The following UBR4 variants were observed in gnomAD, a reference collection of about 807,000 sequenced individuals.
The protein encoded by UBR4 is ubiquitin protein ligase E3 component n-recognin 4.
Under a neutral mutation model 575.6 loss-of-function variants are expected in UBR4, and 124 were observed. The ratio of observed to expected loss-of-function variants is 0.22; its 90% CI spans 0.19 to 0.25. The LOEUF (loss-of-function observed/expected upper bound fraction) is 0.25. UBR4 is among the 10% of genes least tolerant of loss of function. The pLI, the probability that UBR4 is intolerant of heterozygous loss-of-function variation, is 1.00. For missense variants in UBR4, 4,818 were observed against 6,478.8 expected, an observed-to-expected ratio of 0.74 and a Z score of 8.80; for synonymous variants, 2,455 against 2,473.7, an observed-to-expected ratio of 0.99 and a Z score of 0.22.
chr1:19,192,112 T>C, intron 11 of UBR4, 76 bp downstream of exon 11: 1 of 1,517,728 alleles, frequency 6.6e-7, no homozygotes, highest in Admixed American at 2.1e-5. Context: ...TGATATGAAG[T>C]CATACTAGCT....
At chr1:19,155,128 A>G (rs1165642384) in intron 43 of UBR4, 53 bp from the exon 44 acceptor site, 3 of 1,607,480 alleles carry the variant, frequency 1.9e-6, no homozygotes, top group Admixed American at 3.3e-5. Context: ...TTGGCTACCA[A>G]CTTCCGGTTT....
At chr1:19,147,962 T>A (rs373940390) in intron 51 of UBR4, 31 bp downstream of exon 51, 4 of 1,604,312 alleles carry the variant, frequency 2.5e-6, no homozygotes, top group South Asian at 1.1e-5. Context: ...CTGTCAGCAC[T>A]GCAATTTCCT....
intron 17 of UBR4, among the ~76,000 whole-genome samples, chr1:19,183,517 T>G (rs1466077897): frequency 1.3e-5 from 2 of 151,506 alleles, no homozygotes; most frequent in East Asian, 3.9e-4. Flanking sequence ...AGGTCAGGAG[T>G]TTGAGACCAG....
chr1:19,085,264 G>A (rs2076901474), intron 101 of UBR4, among the ~76,000 whole-genome samples: 1 of 152,240 alleles, frequency 6.6e-6, no homozygotes, highest in Non-Finnish European at 1.5e-5. Flanking sequence ...GCTCACACGT[G>A]TAATCCCAGC....
intron 92 of UBR4, 38 bp from the exon 93 acceptor site, chr1:19,095,690 TGA>T: frequency 1.3e-6 from 2 of 1,598,950 alleles, no homozygotes; most frequent in Non-Finnish European, 1.7e-6. Flanking sequence ...TGAGGCCACA[TGA>T]GAGTGTAGGA....
intron 86 of UBR4, 139 bp from the exon 87 acceptor site, chr1:19,104,396 C>T (rs539639489): frequency 3.6e-4 from 439 of 1,235,226 alleles, no homozygotes; most frequent in Non-Finnish European, 4.6e-4. Flanking sequence ...GTTCAACAAG[C>T]GGAAACAGTC....
chr1:19,174,638 T>C (rs1042204185), intron 21 of UBR4, among the ~76,000 whole-genome samples, 191 bp from the exon 22 acceptor site: 1 of 152,232 alleles, frequency 6.6e-6, no homozygotes, highest in African/African-American at 2.4e-5. Flanking sequence ...AGCACACAGC[T>C]GCTGGCTTTA....
rs2085115734 is a variant in UBR4, at chr1:19,148,073, C to T, written c.7549G>A (p.Ala2517Thr). 3 of 1,611,460 alleles carry T rather than the reference C, an allele frequency of 1.9e-6. No homozygotes were observed. The highest frequency in any genetic ancestry group is 2.5e-6 in the Non-Finnish European group (3 of 1,179,930). ...GACTGCTGCTGGACACTGGCAGGTG[C>T]TGGCAGGGACAACAGCAAAGTGGCC... ...ELATLLLSLP[A>T]PASVQQQSKS... The change falls in exon 51 of 106, where the codon GCA becomes ACA. Residue 2517 changes from alanine to threonine, a missense_variant. By Grantham distance (58) the Ala-to-Thr change is moderately conservative (BLOSUM62 0). Transcript: ENST00000375254.
Position 19,167,150 on chromosome 1 carries a change from G to C in UBR4, c.3981C>G (p.Ala1327=). Residue 1327 remains alanine, a synonymous_variant, in exon 29 of 106, where the codon GCC becomes GCG. Coordinates refer to ENST00000375254, the MANE Select transcript of UBR4 (RefSeq NM_020765.3). The part of the protein sequence containing the change: ...LLLESSTESV[A]EISSNSLERI... ...GTTCCAGGGAGTTGCTACTGATCTC[G>C]GCAACACTCTCAGTGCTTGATTCCA... The C allele has an allele frequency of 6.2e-7, 1 of 1,614,174 alleles. No homozygotes were observed.
At position 19,174,376 on chromosome 1, in the gene UBR4, T is replaced by C. The variant is rs1426450113; in HGVS notation, c.2925A>G (p.Ala975=). The change falls in exon 22 of 106, where the codon GCA becomes GCG. Residue 975 remains alanine, a synonymous_variant. Transcript: ENST00000375254. The stretch of plus-strand genomic sequence containing the variant: ...TAACTGTATCAAGCTGGGACCCAGC[T>C]GCAAGCAGGGCTGTCAGTGCAGCAT... ...ELYAALTALL[A]AGSQLDTVRR... is the part of the protein sequence containing the mutation. 1 of 1,613,532 alleles carries C rather than the reference T, an allele frequency of 6.2e-7. No homozygotes were observed. Among genetic ancestry groups the C allele is most frequent in the Non-Finnish European group, 8.5e-7 (1 of 1,179,990 alleles).
intron 102 of UBR4, among the ~76,000 whole-genome samples, chr1:19,083,088 T>C (rs2076676297): frequency 6.6e-6 from 1 of 152,156 alleles, no homozygotes; most frequent in African/African-American, 2.4e-5. Flanking sequence ...AATGTCTGGC[T>C]TGTTCAGAAA....
chr1:19,150,958 T>G, intron 48 of UBR4, 165 bp from the exon 49 acceptor site: 1 of 709,704 alleles, frequency 1.4e-6, no homozygotes, highest in Non-Finnish European at 2.3e-6. Context: ...CGTGTATATA[T>G]GCTGAATACA....
intron 103 of UBR4, chr1:19,080,000 A>G (rs2076328736): frequency 6.6e-6 from 1 of 152,260 alleles, no homozygotes; most frequent in East Asian, 1.9e-4. Flanking sequence ...CTGGGACAAT[A>G]ATGAATGCTA....
intron 99 of UBR4, among the ~76,000 whole-genome samples, chr1:19,087,615 A>T (rs994815932): frequency 4.6e-5 from 7 of 152,268 alleles, no homozygotes; most frequent in African/African-American, 1.7e-4. Context: ...CATGATGATG[A>T]TAAAGATAAC....
At chr1:19,125,079 C>T (rs1459210166) in intron 64 of UBR4, among the ~76,000 whole-genome samples, 1 of 151,966 alleles carries the variant, frequency 6.6e-6, no homozygotes, top group African/African-American at 2.4e-5. Context: ...TCCCTAGAAC[C>T]AAAATTTCCC....
chr1:19,197,729 T>A lies in UBR4; in HGVS notation c.834A>T (p.Leu278Phe), dbSNP rs2151605768. 1 of 1,614,210 alleles carries A rather than the reference T, an allele frequency of 6.2e-7. No individual in the cohort carries two copies. Among genetic ancestry groups the A allele is most frequent in the Admixed American group, 1.7e-5 (1 of 60,028 alleles). ...CAGGCATTATGAAGAAGGAATTAGC[T>A]AAAACTGCATCTTGGAACCGATTGA... ...RYINRFQDAV[L>F]ANSFFIMPAT... is the part of the protein sequence containing the mutation. The change falls in exon 7 of 106, where the codon TTA becomes TTT. Residue 278 changes from leucine to phenylalanine, a missense_variant. Leu to Phe is a conservative substitution (Grantham distance 22). Coordinates refer to ENST00000375254, the MANE Select transcript of UBR4 (RefSeq NM_020765.3).
intron 25 of UBR4, among the ~76,000 whole-genome samples, chr1:19,172,117 G>A (rs2089639109): frequency 6.6e-6 from 1 of 152,084 alleles, no homozygotes; most frequent in Non-Finnish European, 1.5e-5. Flanking sequence ...AAAGTCTACA[G>A]GGCATGCAAT....
Position 19,097,187 on chromosome 1 carries a change from A to G in UBR4, c.13390+6T>C, listed in dbSNP as rs956249565. On this transcript the variant is annotated splice_donor_region_variant and intron_variant, in intron 91 of 105. Coordinates refer to ENST00000375254, the MANE Select transcript of UBR4 (RefSeq NM_020765.3). ...CTCAGATCCAATGTGCAGTGCCATGATCTACCTGTAGTAGAGTCCAGGGAC... is the reference window on the plus strand; with the variant it reads ...CTCAGATCCAATGTGCAGTGCCATGGTCTACCTGTAGTAGAGTCCAGGGAC... 26 of 1,609,834 alleles carry G rather than the reference A, an allele frequency of 1.6e-5. No individual in the cohort carries two copies. In the African/African-American group the frequency reaches 2.1e-4, roughly 13 times the overall value.
At chr1:19,196,220 C>A (rs1486770688) in intron 8 of UBR4, among the ~76,000 whole-genome samples, 1 of 152,304 alleles carries the variant, frequency 6.6e-6, no homozygotes, top group Non-Finnish European at 1.5e-5. Flanking sequence ...TCAGTTTCTT[C>A]ACTTATAAGT....
Sources: allele counts gnomAD v4.1 joint callset (sites outside exome capture counted in the v4.1 genomes callset), GRCh38; gene constraint gnomAD v4.1.1; transcripts MANE v1.5; gene names NCBI Gene and HGNC (gene_info 2026-07-23, HGNC 2026-07-21).